MAML3: variants seen among roughly 807,000 people sequenced by gnomAD.
The protein encoded by MAML3 is mastermind like transcriptional coactivator 3.
A neutral mutation model predicts 101.9 loss-of-function variants in MAML3; 27 were observed. The observed-to-expected ratio is 0.27, with a 90% CI of 0.20 to 0.37. The LOEUF is 0.37. Among genes scored for constraint, MAML3 ranks in the 10% least tolerant of loss-of-function variants. MAML3 has a pLI of 1.00. For missense variants in MAML3, 1,316 were observed against 1,444.9 expected (o/e 0.91, Z 1.45); for synonymous variants, 501 against 555.9 (o/e 0.90, Z 1.39).
At chr4:139,994,376 G>C (rs1734761377) in intron 1 of MAML3, among the ~76,000 whole-genome samples, 1 of 152,188 alleles carries the variant, frequency 6.6e-6, no homozygotes, top group Non-Finnish European at 1.5e-5. Flanking sequence ...CTTTATAATA[G>C]AAATGCAGCC....
At chr4:139,873,084 A>T (rs941081984) in intron 2 of MAML3, among the ~76,000 whole-genome samples, 5 of 151,900 alleles carry the variant, frequency 3.3e-5, no homozygotes, top group South Asian at 2.1e-4. Context: ...TCCATCTCAA[A>T]AAATAAATAA....
At chr4:139,770,039 C>A (rs889312748) in intron 2 of MAML3, among the ~76,000 whole-genome samples, 4 of 152,018 alleles carry the variant, frequency 2.6e-5, no homozygotes, top group African/African-American at 4.8e-5. Context: ...CCTACTTCAG[C>A]CTCCTGAGTA....
chr4:139,860,434 G>A (rs950505207), intron 2 of MAML3, among the ~76,000 whole-genome samples: 12 of 152,240 alleles, frequency 7.9e-5, no homozygotes, highest in African/African-American at 2.9e-4. Flanking sequence ...CGCTGAACAC[G>A]AGGCTGGGAC....
At chr4:139,797,539 TC>T (rs1730531987) in intron 2 of MAML3, among the ~76,000 whole-genome samples, 1 of 152,036 alleles carries the variant, frequency 6.6e-6, no homozygotes, top group South Asian at 2.1e-4. Context: ...GGGGGTGTTC[TC>T]CCATTCATAG....
chr4:139,943,386 C>T (rs1394630281), intron 1 of MAML3, among the ~76,000 whole-genome samples: 3 of 151,940 alleles, frequency 2.0e-5, no homozygotes, highest in Non-Finnish European at 4.4e-5. Flanking sequence ...AAAATGTCTA[C>T]GATTTGAAAA....
intron 2 of MAML3, among the ~76,000 whole-genome samples, chr4:139,795,324 T>C (rs565501799): frequency 3.1e-4 from 47 of 152,226 alleles, no homozygotes; most frequent in Non-Finnish European, 5.1e-4. Flanking sequence ...GGCTGTTGAT[T>C]TTTAAAAACA....
intron 2 of MAML3, among the ~76,000 whole-genome samples, chr4:139,858,588 C>T (rs962712661): frequency 3.3e-5 from 5 of 152,000 alleles, no homozygotes; most frequent in Non-Finnish European, 7.3e-5. Context: ...GTGCGTCCCA[C>T]ACAGCTAGTT....
intron 2 of MAML3, among the ~76,000 whole-genome samples, chr4:139,764,851 G>A (rs967738574): frequency 2.6e-5 from 4 of 152,222 alleles, no homozygotes; most frequent in African/African-American, 9.7e-5. Context: ...CTTTCAATGA[G>A]CTTGGCATGG....
rs1321408944 is a variant in MAML3 at position 139,939,044 on chromosome 4, A to G, written c.469-48077T>C. Among the ~76,000 whole-genome samples the G allele has an allele frequency of 2.0e-5, 3 of 152,220 alleles. No homozygotes were observed. In the East Asian group the frequency reaches 5.8e-4, roughly 29 times the overall value. On this transcript the variant is annotated intron_variant, in intron 1 of 4. Transcript: ENST00000509479. The stretch of plus-strand genomic sequence containing the variant: ...TTTTCATTTAAGTCTGCGGTCTACA[A>G]ACAGCTTTATTTCTTTCCTTTCGGG...
rs1369949780 is a variant in MAML3, at chr4:139,717,160, A to G, written c.*2163T>C. The G allele has an allele frequency of 6.6e-6, 1 of 152,562 alleles. No individual in the cohort carries two copies. The highest frequency in any genetic ancestry group is 1.9e-4 in the East Asian group (1 of 5,196). The allele number at this position is 152,562 out of a possible 1,614,324, so 9.5% of individuals were successfully genotyped here. A position where few individuals can be genotyped will look rare whatever the true frequency, so the allele number is the denominator to read the frequency against. ...TACATATACATCAGCACCGTAGTAAAAACAAAACCAAAACAAAACCACCAT... is the reference window on the plus strand; with the variant it reads ...TACATATACATCAGCACCGTAGTAAGAACAAAACCAAAACAAAACCACCAT... On this transcript the variant is annotated 3_prime_UTR_variant, in exon 5 of 5. Coordinates refer to ENST00000509479, the MANE Select transcript of MAML3 (RefSeq NM_018717.5).
intron 2 of MAML3, among the ~76,000 whole-genome samples, chr4:139,747,238 A>G (rs1413754466): frequency 6.6e-6 from 1 of 152,196 alleles, no homozygotes; most frequent in East Asian, 1.9e-4. Flanking sequence ...TCACTGAGGA[A>G]GGAAATGTAA....
chr4:139,993,881 T>G (rs552900399), intron 1 of MAML3, among the ~76,000 whole-genome samples: 1 of 152,320 alleles, frequency 6.6e-6, no homozygotes, highest in South Asian at 2.1e-4. Context: ...ATTTTTCTTG[T>G]ACAGATTACA....
intron 2 of MAML3, among the ~76,000 whole-genome samples, chr4:139,843,122 T>G (rs1731391413): frequency 2.0e-5 from 3 of 152,106 alleles, no homozygotes; most frequent in Non-Finnish European, 2.9e-5. Flanking sequence ...TTTCTCCAAC[T>G]TCTTTTCCCT....
chr4:140,122,187 A>G (rs1728616736), intron 1 of MAML3, among the ~76,000 whole-genome samples: 1 of 145,824 alleles, frequency 6.9e-6, no homozygotes, highest in Non-Finnish European at 1.5e-5. Context: ...TAGGTGAGAA[A>G]TTGATTCTTC....
chr4:139,890,445 C>G lies in MAML3; in HGVS notation c.991G>C (p.Glu331Gln), dbSNP rs776276339. The G allele has an allele frequency of 6.2e-7, 1 of 1,611,476 alleles. No individual in the cohort carries two copies. Among genetic ancestry groups the G allele is most frequent in the East Asian group, 2.2e-5 (1 of 44,818 alleles). ...PEDDIQDLFN[E>Q]DFEEKKEPEF... ...GGCTCCTTCTTCTCTTCAAAGTCTT[C>G]GTTGAACAGGTCCTGTATGTCATCC... The change falls in exon 2 of 5, where the codon GAA becomes CAA. Residue 331 changes from glutamate to glutamine, a missense_variant. By Grantham distance (29) the Glu-to-Gln change is conservative. Coordinates refer to ENST00000509479, the MANE Select transcript of MAML3 (RefSeq NM_018717.5). This position sits in a 1 kb window ranked among gnomAD's most constrained non-coding sequence, Gnocchi z 4.1.
intron 1 of MAML3, among the ~76,000 whole-genome samples, chr4:140,122,653 G>C (rs1379204325): frequency 6.6e-6 from 1 of 150,916 alleles, no homozygotes; most frequent in Non-Finnish European, 1.5e-5. Flanking sequence ...TTAGCCGGGC[G>C]TAGTGGCGGG....
chr4:140,053,669 AT>A (rs1434794977), intron 1 of MAML3, among the ~76,000 whole-genome samples: 3 of 152,228 alleles, frequency 2.0e-5, no homozygotes, highest in African/African-American at 7.2e-5. Flanking sequence ...GTAAAGAGCC[AT>A]TTAGTAAATA....
chr4:139,829,012 A>T (rs1197498958), intron 2 of MAML3, among the ~76,000 whole-genome samples: 3 of 136,726 alleles, frequency 2.2e-5, no homozygotes, highest in Non-Finnish European at 4.7e-5. Context: ...GAAGGAAGGA[A>T]GGAAGGAAGG....
chr4:139,757,696 AC>A (rs560039121), intron 2 of MAML3, among the ~76,000 whole-genome samples: 13 of 149,814 alleles, frequency 8.7e-5, no homozygotes, highest in African/African-American at 2.9e-4. Context: ...ACACTTCATG[AC>A]CCACCTCTCC....
Sources: allele counts gnomAD v4.1 joint callset (sites outside exome capture counted in the v4.1 genomes callset), GRCh38; gene constraint gnomAD v4.1.1; non-coding constraint Gnocchi (gnomAD v3.1); transcripts MANE v1.5; gene names NCBI Gene and HGNC (gene_info 2026-07-23, HGNC 2026-07-21).